The following GLIPR1L2 variants were observed in gnomAD, a reference collection of about 807,000 sequenced individuals.
The protein encoded by GLIPR1L2 is GLIPR1-like protein 2.
In GLIPR1L2, 21 loss-of-function variants were observed where a neutral mutation model predicts 28.4. The ratio of observed to expected loss-of-function variants is 0.74; its 90% confidence interval spans 0.52 to 1.06. The LOEUF (loss-of-function observed/expected upper bound fraction) is 1.06, where lower values mean the gene tolerates loss of function less well. GLIPR1L2 is among the 50% of genes least tolerant of loss of function. GLIPR1L2 has a pLI of 0.00. For missense variants in GLIPR1L2, 476 were observed against 416.9 expected (o/e 1.14, Z -1.23); for synonymous variants, 145 against 139.3 (o/e 1.04, Z -0.29).
intron 3 of GLIPR1L2, among the ~76,000 whole-genome samples, chr12:75,419,239 C>T (rs2045954031): frequency 6.6e-6 from 1 of 152,082 alleles, no homozygotes; most frequent in Non-Finnish European, 1.5e-5. Flanking sequence ...CATGACACCT[C>T]AGTGAAATTA....
Position 75,422,910 on chromosome 12 carries a change from A to G in GLIPR1L2, c.591A>G (p.Thr197=). The G allele has an allele frequency of 6.2e-7, 1 of 1,605,458 alleles. No homozygotes were observed. The highest frequency in any genetic ancestry group is 2.2e-5 in the East Asian group (1 of 44,590). The change falls in exon 4 of 6, where the codon ACA becomes ACG. Residue 197 remains threonine, a synonymous_variant. Coordinates refer to ENST00000550916, the MANE Select transcript of GLIPR1L2 (RefSeq NM_001270396.2). ...IFICNYAPGG[T]LTRRPYEPGI... Reference sequence around the variant, plus strand: ...TCTGCTTTTTTGTTTGTAGAGGAACACTGACGAGAAGACCTTATGAACCAG... The same window carrying G: ...TCTGCTTTTTTGTTTGTAGAGGAACGCTGACGAGAAGACCTTATGAACCAG...
intron 1 of GLIPR1L2, among the ~76,000 whole-genome samples, chr12:75,402,339 T>C (rs73365995): frequency 9.9e-5 from 15 of 152,276 alleles, no homozygotes; most frequent in African/African-American, 2.9e-4. Context: ...AAAGAACAGA[T>C]AATTTCCAAT....
intron 3 of GLIPR1L2, among the ~76,000 whole-genome samples, chr12:75,416,360 C>T (rs2045923571): frequency 6.6e-6 from 1 of 151,496 alleles, no homozygotes; most frequent in Admixed American, 6.6e-5. Context: ...GTATAAAGGC[C>T]CTGAAGTGGA....
rs762561811 is a variant in GLIPR1L2 at position 75,410,679 on chromosome 12, G to C, written c.480G>C (p.Gln160His). 3.8e-6 allele frequency: 6 copies of C among 1,573,012 alleles called. No individual in the cohort carries two copies. The highest frequency in any genetic ancestry group is 5.2e-6 in the Non-Finnish European group (6 of 1,158,054). The change falls in exon 2 of 6, where the codon CAG becomes CAC. Residue 160 changes from glutamine to histidine, a missense_variant and splice_region_variant. Physicochemically the swap from Gln to His is conservative, Grantham distance 24. Coordinates refer to ENST00000550916, the MANE Select transcript of GLIPR1L2 (RefSeq NM_001270396.2). ...SCSGDCSNYIQLVWDHSYKVG... is the reference protein window; with the variant it reads ...SCSGDCSNYIHLVWDHSYKVG... ...CTGGAGACTGTTCTAATTATATTCAGGTATGTAATTTTTATTTTGTTATTA... is the reference window on the plus strand; with the variant it reads ...CTGGAGACTGTTCTAATTATATTCACGTATGTAATTTTTATTTTGTTATTA...
chr12:75,431,093 G>T lies in GLIPR1L2; in HGVS notation c.967G>T (p.Glu323Ter). Residue 323 changes from glutamate to a stop codon, truncating the protein, a stop_gained, in exon 6 of 6, where the codon GAA (glutamate) becomes TAA (stop). Transcript: ENST00000550916. LOFTEE classifies it low-confidence loss of function (END_TRUNC). The stretch of plus-strand genomic sequence containing the variant: ...AATGGAAATAATGGAAATGGAGGAG[G>T]AAAAAGAAGAGAGAGAGGAGGAGGA... ...MEMEIMEMEE[E>*]KEEREEEEEE... The T allele has an allele frequency of 1.6e-6, 2 of 1,215,194 alleles. No homozygotes were observed. The highest frequency in any genetic ancestry group is 3.0e-5 in the African/African-American group (2 of 66,394). The allele number at this position is 1,215,194 out of a possible 1,614,324, so 75.3% of individuals were successfully genotyped here. A position where few individuals can be genotyped will look rare whatever the true frequency, so the allele number is the denominator to read the frequency against.
At chr12:75,394,215 C>T (rs934669934) in intron 1 of GLIPR1L2, among the ~76,000 whole-genome samples, 3 of 151,896 alleles carry the variant, frequency 2.0e-5, no homozygotes, top group Non-Finnish European at 2.9e-5. Context: ...TGTAAGTTGC[C>T]TTTGCACTCT....
intron 1 of GLIPR1L2, among the ~76,000 whole-genome samples, chr12:75,409,565 G>GTGTA (rs1555232633): frequency 8.4e-5 from 12 of 143,422 alleles, no homozygotes; most frequent in South Asian, 2.2e-4. Flanking sequence ...GGGTGTGTGT[G>GTGTA]TATATATATA....
chr12:75,415,065 G>A (rs980312052), intron 3 of GLIPR1L2, among the ~76,000 whole-genome samples: 2 of 152,094 alleles, frequency 1.3e-5, no homozygotes, highest in Non-Finnish European at 2.9e-5. Context: ...CCAGGTAGAA[G>A]TATGTTCCAG....
chr12:75,391,298 A>G lies in GLIPR1L2; in HGVS notation c.182A>G (p.His61Arg). The G allele has an allele frequency of 1.2e-6, 2 of 1,614,214 alleles. No homozygotes were observed. The highest frequency in any genetic ancestry group is 8.5e-7 in the Non-Finnish European group (1 of 1,180,022). The change falls in exon 1 of 6, where the codon CAC becomes CGC. Residue 61 changes from histidine (H) to arginine (R), a missense_variant. Transcript: ENST00000550916. ...TTTATCAACGAGTACGTGAACCTCC[A>G]CAATGAGCTGCGGGGCGACGTCATT... Reference protein sequence around the residue: ...VDFINEYVNLHNELRGDVIPR... With the variant: ...VDFINEYVNLRNELRGDVIPR...
chr12:75,410,381 A>G, intron 1 of GLIPR1L2, 53 bp from the exon 2 acceptor site: 1 of 1,413,680 alleles, frequency 7.1e-7, no homozygotes. Context: ...AAAATATTTT[A>G]GACTACAAAA....
At chr12:75,395,024 AT>A in intron 1 of GLIPR1L2, among the ~76,000 whole-genome samples, 1 of 151,972 alleles carries the variant, frequency 6.6e-6, no homozygotes, top group East Asian at 1.9e-4. Context: ...GGTTTACCTA[AT>A]TCCCTTTCAG....
chr12:75,411,435 T>C (rs940195632), intron 2 of GLIPR1L2, among the ~76,000 whole-genome samples: 1 of 151,944 alleles, frequency 6.6e-6, no homozygotes, highest in African/African-American at 2.4e-5. Context: ...TTTGTTCATG[T>C]TGAACTCATG....
rs190863157 is a variant in GLIPR1L2 at position 75,406,710 on chromosome 12, A to G, written c.235-3724A>G. 8.6e-5 allele frequency among the ~76,000 whole-genome samples: 13 copies of G among 150,678 alleles called. No homozygotes were observed. The East Asian group carries it at 1.6e-3, about 18-fold the overall frequency. On this transcript the variant is annotated intron_variant, in intron 1 of 5. Transcript: ENST00000550916. ...GAGTTTGAGGCTACATTGAGCCACA[A>G]TCACACTACTGCATTCTAGCCTGGG...
chr12:75,424,256 T>C (rs954923472), intron 4 of GLIPR1L2, among the ~76,000 whole-genome samples: 1 of 152,202 alleles, frequency 6.6e-6, no homozygotes, highest in African/African-American at 2.4e-5. Context: ...TAATGATCAC[T>C]GTTCTAACTG....
intron 4 of GLIPR1L2, among the ~76,000 whole-genome samples, chr12:75,429,559 C>A (rs1330500310): frequency 6.6e-6 from 1 of 152,086 alleles, no homozygotes; most frequent in Non-Finnish European, 1.5e-5. Context: ...CTTGGAAAGG[C>A]CTGATTGTGT....
At chr12:75,394,476 T>A (rs2045661883) in intron 1 of GLIPR1L2, among the ~76,000 whole-genome samples, 1 of 152,022 alleles carries the variant, frequency 6.6e-6, no homozygotes, top group Admixed American at 6.6e-5. Flanking sequence ...CCTAACTTCA[T>A]TTGCTGGAAA....
At chr12:75,394,780 A>AAAAAC (rs2045666031) in intron 1 of GLIPR1L2, among the ~76,000 whole-genome samples, 1 of 151,180 alleles carries the variant, frequency 6.6e-6, no homozygotes, top group African/African-American at 2.4e-5. Context: ...AAAAAAAAAA[A>AAAAAC]AAAACATTAT....
chr12:75,415,978 G>A (rs4019400), intron 3 of GLIPR1L2, among the ~76,000 whole-genome samples: 2 of 151,852 alleles, frequency 1.3e-5, no homozygotes, highest in African/African-American at 4.8e-5. Context: ...ACTCTCCTGA[G>A]AATTATGCAT....
Position 75,431,339 on chromosome 12 carries a change from T to A in GLIPR1L2, c.*178T>A. The A allele has an allele frequency of 2.1e-6, 1 of 475,918 alleles. No individual in the cohort carries two copies. The highest frequency in any genetic ancestry group is 3.7e-6 in the Non-Finnish European group (1 of 272,850). The allele number at this position is 475,918 out of a possible 1,614,324, so 29.5% of individuals were successfully genotyped here. A position where few individuals can be genotyped will look rare whatever the true frequency, so the allele number is the denominator to read the frequency against. ...CTATACTTATTCAATCAATTTAAAT[T>A]TGTAAAACAAAGAAACAAAAAACAT... On this transcript the variant is annotated 3_prime_UTR_variant, in exon 6 of 6. Coordinates refer to ENST00000550916, the MANE Select transcript of GLIPR1L2 (RefSeq NM_001270396.2).
Sources: allele counts gnomAD v4.1 joint callset (sites outside exome capture counted in the v4.1 genomes callset), GRCh38; gene constraint gnomAD v4.1.1; transcripts MANE v1.5; gene names NCBI Gene and HGNC (gene_info 2026-07-23, HGNC 2026-07-21).